TRHDE: variants seen among roughly 807,000 people sequenced by gnomAD.
The protein encoded by TRHDE is thyrotropin releasing hormone degrading enzyme.
TRHDE carries 72 observed loss-of-function variants against 125.7 expected under a neutral mutation model. That is an observed-to-expected ratio of 0.57 (90% CI 0.47 to 0.70). TRHDE has a LOEUF of 0.70. Ranked by LOEUF, TRHDE falls within the 30% of genes least tolerant of loss-of-function variation. The probability of loss-of-function intolerance (pLI) is 0.00; values close to 1 mark genes in which losing one functional copy is unlikely to be tolerated. For synonymous variants in TRHDE, 509 were observed against 509.1 expected (o/e 1.00, Z 0.00); for missense variants, 1,110 against 1,327.1 (o/e 0.84, Z 2.54).
intron 2 of TRHDE, among the ~76,000 whole-genome samples, chr12:72,131,815 G>A (rs944427883): frequency 6.6e-6 from 1 of 152,138 alleles, no homozygotes; most frequent in Non-Finnish European, 1.5e-5. Flanking sequence ...TAAAGCTTCT[G>A]CTCTTAACTG....
intron 6 of TRHDE, among the ~76,000 whole-genome samples, chr12:72,516,594 G>A (rs928364747): frequency 6.6e-6 from 1 of 152,048 alleles, no homozygotes; most frequent in Non-Finnish European, 1.5e-5. Flanking sequence ...CTGCAAACAG[G>A]GATAATTTGA....
At chr12:72,606,223 C>T (rs1872436937) in intron 12 of TRHDE, among the ~76,000 whole-genome samples, 1 of 152,162 alleles carries the variant, frequency 6.6e-6, no homozygotes, top group African/African-American at 2.4e-5. Flanking sequence ...GTGACAGAGA[C>T]TGTTTGACTG....
chr12:72,640,852 T>G (rs1007582086), intron 15 of TRHDE, among the ~76,000 whole-genome samples: 10 of 152,168 alleles, frequency 6.6e-5, no homozygotes, highest in African/African-American at 2.2e-4. Context: ...ATAAATTAAT[T>G]GTTAGGCCTC....
At chr12:72,156,586 A>G (rs897080933) in intron 2 of TRHDE, among the ~76,000 whole-genome samples, 1 of 152,198 alleles carries the variant, frequency 6.6e-6, no homozygotes, top group Non-Finnish European at 1.5e-5. Flanking sequence ...TGTTAGAAAA[A>G]TAGGAAGAAA....
Position 72,584,079 on chromosome 12 carries a change from G to A in TRHDE, c.2321+8537G>A, listed in dbSNP as rs1325676652. Among the ~76,000 whole-genome samples, 4 of 151,410 alleles carry A rather than the reference G, an allele frequency of 2.6e-5. 1 individual carries two copies. Among genetic ancestry groups the A allele is most frequent in the African/African-American group, 4.9e-5 (2 of 41,064 alleles). On this transcript the variant is annotated intron_variant, in intron 12 of 18. Coordinates refer to ENST00000261180, the MANE Select transcript of TRHDE (RefSeq NM_013381.3). ...CCGGAGTAGCTGGGACTACAAGGATGACAAACTTTCTTAGAGACTTTTAGA... is the reference window on the plus strand; with the variant it reads ...CCGGAGTAGCTGGGACTACAAGGATAACAAACTTTCTTAGAGACTTTTAGA...
At chr12:72,167,363 T>C (rs1876774811) in intron 2 of TRHDE, among the ~76,000 whole-genome samples, 4 of 151,700 alleles carry the variant, frequency 2.6e-5, no homozygotes, top group Admixed American at 2.6e-4. Flanking sequence ...ACAGATTATA[T>C]GAAGCCCTTT....
chr12:72,272,602 G>T lies in TRHDE; in HGVS notation c.-42G>T, dbSNP rs1231183956. 9 of 815,704 alleles carry T rather than the reference G, an allele frequency of 1.1e-5. No homozygotes were observed. The highest frequency in any genetic ancestry group is 1.3e-5 in the Non-Finnish European group (7 of 546,106). 50.5% of individuals were successfully genotyped at this position (815,704 alleles called of 1,614,324 possible). A position where few individuals can be genotyped will look rare whatever the true frequency, so the allele number is the denominator to read the frequency against. On this transcript the variant is annotated 5_prime_UTR_variant, in exon 1 of 19. Transcript: ENST00000261180. This position sits in a 1 kb window ranked among gnomAD's most constrained non-coding sequence, Gnocchi z 6.7. ...CTGTGGCCCGGGTGGCCCGCCCGCGGGGGGTGCCAGAGGGGGCGGGGGAGG... is the reference window on the plus strand; with the variant it reads ...CTGTGGCCCGGGTGGCCCGCCCGCGTGGGGTGCCAGAGGGGGCGGGGGAGG...
intron 1 of TRHDE, among the ~76,000 whole-genome samples, chr12:72,280,837 C>G (rs1380851439): frequency 6.6e-6 from 1 of 152,186 alleles, no homozygotes; most frequent in Non-Finnish European, 1.5e-5. Flanking sequence ...GATATTGTTC[C>G]TAAGACTTTA....
chr12:72,603,058 CAA>C (rs1872271695), intron 12 of TRHDE, among the ~76,000 whole-genome samples: 1 of 151,872 alleles, frequency 6.6e-6, no homozygotes, highest in Non-Finnish European at 1.5e-5. Context: ...TATGTGAGTT[CAA>C]AGAGTTCAGA....
chr12:72,212,244 T>C (rs561363587), intron 2 of TRHDE, among the ~76,000 whole-genome samples: 51 of 152,122 alleles, frequency 3.4e-4, no homozygotes, highest in African/African-American at 1.2e-3. Flanking sequence ...AACAATAAAA[T>C]TGAACCCAAA....
chr12:72,241,295 T>G (rs1565670905), intron 2 of TRHDE, among the ~76,000 whole-genome samples: 2 of 152,306 alleles, frequency 1.3e-5, no homozygotes, highest in South Asian at 4.1e-4. Flanking sequence ...TGCTATCCCT[T>G]TGTAGTCACA....
chr12:72,152,899 T>C (rs1316519189), intron 2 of TRHDE, among the ~76,000 whole-genome samples: 1 of 152,232 alleles, frequency 6.6e-6, no homozygotes, highest in Non-Finnish European at 1.5e-5. Context: ...ATCAGAATGG[T>C]GCTGGCCTCA....
chr12:72,212,638 C>G (rs1877807083), intron 2 of TRHDE, among the ~76,000 whole-genome samples: 1 of 151,840 alleles, frequency 6.6e-6, no homozygotes, highest in Admixed American at 6.6e-5. Flanking sequence ...AATGAGATAC[C>G]CCTTAAAATC....
chr12:72,312,412 C>A (rs1372402521), intron 2 of TRHDE, among the ~76,000 whole-genome samples: 1 of 152,036 alleles, frequency 6.6e-6, no homozygotes, highest in Non-Finnish European at 1.5e-5. Context: ...ATATGATGAC[C>A]TTTAGGTCAG....
chr12:72,341,817 G>A (rs538424320), intron 2 of TRHDE, among the ~76,000 whole-genome samples: 1 of 152,254 alleles, frequency 6.6e-6, no homozygotes, highest in South Asian at 2.1e-4. Flanking sequence ...ATTTGTCGAA[G>A]ATGAATCTGG....
At chr12:72,238,006 G>T (rs1731365794) in intron 2 of TRHDE, among the ~76,000 whole-genome samples, 1 of 151,904 alleles carries the variant, frequency 6.6e-6, no homozygotes, top group Admixed American at 6.6e-5. Context: ...AGAAAAAGAA[G>T]GAGGCCAGGC....
chr12:72,257,690 T>C (rs1432492104), intron 2 of TRHDE: 1 of 152,200 alleles, frequency 6.6e-6, no homozygotes, highest in Non-Finnish European at 1.5e-5. Flanking sequence ...TAAAGAATGG[T>C]AGTCAAGGTA....
At chr12:72,553,565 A>C (rs1396831789) in intron 7 of TRHDE, among the ~76,000 whole-genome samples, 3 of 152,008 alleles carry the variant, frequency 2.0e-5, no homozygotes, top group Non-Finnish European at 4.4e-5. Flanking sequence ...GGGTCTTGTC[A>C]TCTCAGTAGA....
intron 2 of TRHDE, among the ~76,000 whole-genome samples, chr12:72,319,424 G>A (rs952280282): frequency 9.9e-5 from 15 of 152,274 alleles, no homozygotes; most frequent in African/African-American, 3.4e-4. Context: ...TGAAATATTT[G>A]CATGTCAAGA....
Sources: gnomAD v4.1 joint callset for allele counts (sites outside exome capture counted in the v4.1 genomes callset) on GRCh38, gnomAD v4.1.1 for gene constraint, Gnocchi (gnomAD v3.1) non-coding constraint, MANE v1.5 for transcripts, NCBI Gene and HGNC (gene_info 2026-07-23, HGNC 2026-07-21) for gene names.